The following LSAMP variants were observed in gnomAD, a reference collection of about 807,000 sequenced individuals.
The protein encoded by LSAMP is limbic system associated membrane protein.
A neutral mutation model predicts 38.6 loss-of-function variants in LSAMP; 7 were observed. The observed-to-expected ratio is 0.18, with a 90% CI of 0.10 to 0.34. The LOEUF (loss-of-function observed/expected upper bound fraction) is 0.34. LSAMP is among the 10% of genes least tolerant of loss of function. The pLI, the probability that LSAMP is intolerant of heterozygous loss-of-function variation, is 1.00. For missense variants in LSAMP, 313 were observed against 420.0 expected, an observed-to-expected ratio of 0.75 and a Z score of 2.23; for synonymous variants, 154 against 166.8, an observed-to-expected ratio of 0.92 and a Z score of 0.59.
intron 1 of LSAMP, among the ~76,000 whole-genome samples, chr3:116,101,713 A>C (rs951433548): frequency 6.6e-6 from 1 of 152,204 alleles, no homozygotes; most frequent in African/African-American, 2.4e-5. Context: ...GTAAATTAAA[A>C]AATAAATACA....
At chr3:115,958,924 G>T (rs1045011055) in intron 3 of LSAMP, among the ~76,000 whole-genome samples, 2 of 152,120 alleles carry the variant, frequency 1.3e-5, no homozygotes, top group African/African-American at 4.8e-5. Context: ...GAGGACTGTA[G>T]GCCACCCATA....
chr3:116,301,005 T>A (rs1008949628), intron 1 of LSAMP, among the ~76,000 whole-genome samples: 2 of 151,914 alleles, frequency 1.3e-5, no homozygotes, highest in Non-Finnish European at 2.9e-5. Flanking sequence ...GGTTATTCAG[T>A]CTCAGAATAT....
At chr3:116,321,807 G>A (rs1576126095) in intron 1 of LSAMP, among the ~76,000 whole-genome samples, 3 of 152,280 alleles carry the variant, frequency 2.0e-5, no homozygotes, top group Non-Finnish European at 4.4e-5. Context: ...TCTGAGGCTG[G>A]TGGTGAGAAA....
intron 2 of LSAMP, among the ~76,000 whole-genome samples, chr3:116,085,720 C>A (rs1236906328): frequency 1.3e-5 from 2 of 152,116 alleles, no homozygotes; most frequent in South Asian, 2.1e-4. Flanking sequence ...GCCCTTAGAT[C>A]CCCCAATCTA....
chr3:116,427,168 C>T (rs1353483691), intron 1 of LSAMP, among the ~76,000 whole-genome samples: 4 of 134,696 alleles, frequency 3.0e-5, no homozygotes, highest in African/African-American at 5.5e-5. Flanking sequence ...GGCCGGACTG[C>T]GGACTGCAGT....
chr3:115,960,307 G>A (rs1938584602), intron 3 of LSAMP, among the ~76,000 whole-genome samples: 3 of 152,210 alleles, frequency 2.0e-5, no homozygotes, highest in Admixed American at 1.3e-4. Flanking sequence ...GGGAAGAGGT[G>A]TGAAGCAGAG....
intron 6 of LSAMP, among the ~76,000 whole-genome samples, chr3:115,836,908 G>A (rs1022535516): frequency 4.6e-5 from 7 of 152,194 alleles, no homozygotes; most frequent in African/African-American, 7.2e-5. Flanking sequence ...AGCCTCCTGC[G>A]TAGGTGGGAC....
intron 2 of LSAMP, among the ~76,000 whole-genome samples, chr3:116,030,666 A>G (rs1940897516): frequency 6.6e-6 from 1 of 152,170 alleles, no homozygotes; most frequent in South Asian, 2.1e-4. Context: ...AGGGAAGCTC[A>G]AAAAATATCA....
chr3:116,337,139 T>C (rs1468698608), intron 1 of LSAMP, among the ~76,000 whole-genome samples: 1 of 151,884 alleles, frequency 6.6e-6, no homozygotes, highest in African/African-American at 2.4e-5. Flanking sequence ...AGACAGATGG[T>C]AGAATGGTGG....
intron 3 of LSAMP, among the ~76,000 whole-genome samples, chr3:115,909,020 G>T (rs1452345235): frequency 6.6e-6 from 1 of 152,170 alleles, no homozygotes; most frequent in African/African-American, 2.4e-5. Context: ...TTTTCTCAAA[G>T]TCTCAACTTA....
intron 1 of LSAMP, among the ~76,000 whole-genome samples, chr3:116,265,003 A>G (rs1903435): frequency 0.99 from 150,269 of 152,234 alleles, 74,208 homozygotes; most frequent in Middle Eastern, 1. Flanking sequence ...GAGCAGCCTC[A>G]TCCTGAGGCT....
intron 2 of LSAMP, among the ~76,000 whole-genome samples, chr3:116,044,266 G>A (rs891162324): frequency 6.6e-6 from 1 of 152,152 alleles, no homozygotes; most frequent in Non-Finnish European, 1.5e-5. Context: ...AAAGCTCAGC[G>A]TTATTTCCCC....
At chr3:116,380,458 T>C (rs1222675920) in intron 1 of LSAMP, among the ~76,000 whole-genome samples, 2 of 151,998 alleles carry the variant, frequency 1.3e-5, no homozygotes, top group Non-Finnish European at 2.9e-5. Context: ...TGTTGTTAAT[T>C]TGATAAATAG....
intron 1 of LSAMP, among the ~76,000 whole-genome samples, chr3:116,432,581 A>T (rs2107874507): frequency 6.6e-6 from 1 of 152,080 alleles, no homozygotes; most frequent in South Asian, 2.1e-4. Flanking sequence ...TTTTAAAAAA[A>T]TTGTGCATAT....
intron 3 of LSAMP, among the ~76,000 whole-genome samples, chr3:115,880,485 C>T (rs1327164837): frequency 6.6e-6 from 1 of 152,094 alleles, no homozygotes; most frequent in Non-Finnish European, 1.5e-5. Flanking sequence ...TATTTGACAA[C>T]CAAATTTTCC....
At chr3:115,942,528 A>C (rs1215629274) in intron 3 of LSAMP, among the ~76,000 whole-genome samples, 2 of 152,180 alleles carry the variant, frequency 1.3e-5, no homozygotes, top group Non-Finnish European at 2.9e-5. Context: ...GTGAGAAAAG[A>C]GTTCCTTTCT....
chr3:116,113,652 C>T (rs1173767105), intron 1 of LSAMP, among the ~76,000 whole-genome samples: 1 of 151,694 alleles, frequency 6.6e-6, no homozygotes, highest in East Asian at 1.9e-4. Flanking sequence ...GTCTCGATCT[C>T]CTGGCCTTGT....
At chr3:116,128,706 C>T (rs868337262) in intron 1 of LSAMP, among the ~76,000 whole-genome samples, 3 of 151,126 alleles carry the variant, frequency 2.0e-5, no homozygotes, top group South Asian at 4.2e-4. Context: ...TTCATCATTA[C>T]AATTGCATGA....
intron 3 of LSAMP, among the ~76,000 whole-genome samples, chr3:115,917,499 T>C (rs74953377): frequency 0.023 from 3,570 of 152,306 alleles, 161 homozygotes; most frequent in African/African-American, 0.079. Flanking sequence ...TACTTTTACT[T>C]TTACTTTTTC....
Sources: allele counts gnomAD v4.1 joint callset (sites outside exome capture counted in the v4.1 genomes callset), GRCh38; gene constraint gnomAD v4.1.1; transcripts MANE v1.5; gene names NCBI Gene and HGNC (gene_info 2026-07-23, HGNC 2026-07-21).